ADARB1: variants seen among roughly 807,000 people sequenced by gnomAD.
The protein encoded by ADARB1 is double-stranded RNA-specific editase 1.
In ADARB1, 10 loss-of-function variants were observed where a neutral mutation model predicts 52.4. That is an observed-to-expected ratio of 0.19 (90% CI 0.12 to 0.32). ADARB1 has a LOEUF of 0.32. ADARB1 is among the 10% of genes least tolerant of loss of function. The pLI is 1.00. For missense variants in ADARB1, 643 were observed against 922.3 expected, an observed-to-expected ratio of 0.70 and a Z score of 3.92; for synonymous variants, 349 against 371.1, an observed-to-expected ratio of 0.94 and a Z score of 0.68.
intron 2 of ADARB1, among the ~76,000 whole-genome samples, chr21:45,162,940 C>T (rs1384972255): frequency 1.3e-5 from 2 of 152,218 alleles, no homozygotes; most frequent in Non-Finnish European, 2.9e-5. Flanking sequence ...ACACTTCAGA[C>T]CCAGGTCGGA....
intron 1 of ADARB1, among the ~76,000 whole-genome samples, chr21:45,099,436 G>A (rs1403436192): frequency 6.6e-6 from 1 of 152,016 alleles, no homozygotes; most frequent in Non-Finnish European, 1.5e-5. Context: ...AGGCCGAGGC[G>A]GGTGGATCAC....
intron 4 of ADARB1, among the ~76,000 whole-genome samples, chr21:45,179,584 A>C (rs2091844853): frequency 6.6e-6 from 1 of 152,244 alleles, no homozygotes; most frequent in South Asian, 2.1e-4. Context: ...GAAGCACTTT[A>C]ATACAGATGT....
At chr21:45,137,853 G>C (rs1357344878) in intron 2 of ADARB1, among the ~76,000 whole-genome samples, 1 of 152,082 alleles carries the variant, frequency 6.6e-6, no homozygotes, top group Admixed American at 6.5e-5. Context: ...AGATGGCATG[G>C]GAGGTGGGCA....
intron 2 of ADARB1, among the ~76,000 whole-genome samples, chr21:45,134,499 G>A (rs1045749436): frequency 9.9e-5 from 15 of 151,940 alleles, no homozygotes; most frequent in Middle Eastern, 6.8e-3. Flanking sequence ...GTACACTCGG[G>A]GTGTGTGTGC....
intron 2 of ADARB1, among the ~76,000 whole-genome samples, chr21:45,151,025 C>CAG (rs979632551): frequency 1.3e-5 from 2 of 151,974 alleles, no homozygotes; most frequent in Non-Finnish European, 2.9e-5. Context: ...AAGGGTCAGG[C>CAG]AGAGAGAGAG....
chr21:45,082,854 A>G (rs1483681654), intron 1 of ADARB1, among the ~76,000 whole-genome samples: 1 of 152,220 alleles, frequency 6.6e-6, no homozygotes, highest in Non-Finnish European at 1.5e-5. Context: ...GTTCTTGACC[A>G]GCAGTCGGAT....
At position 45,176,206 on chromosome 21, in the gene ADARB1, C is replaced by T; in HGVS notation, c.505C>T (p.Gln169Ter). ...TGTCAACACGGACTTCACATCTGAC[C>T]AGGCCGACTTCCCTGACACGCTCTT... ...LSVNTDFTSD[Q>*]ADFPDTLFNG... Residue 169 changes from glutamine (Q) to a stop codon, truncating the protein, a stop_gained, in exon 4 of 11, where the codon CAG becomes TAG. Coordinates refer to ENST00000348831, the MANE Select transcript of ADARB1 (RefSeq NM_001112.4). LOFTEE classifies it high-confidence loss of function. This position sits in a 1 kb window ranked among gnomAD's most constrained non-coding sequence, Gnocchi z 5.8. 1 of 1,614,182 alleles carries T rather than the reference C, an allele frequency of 6.2e-7. No homozygotes were observed. The highest frequency in any genetic ancestry group is 8.5e-7 in the Non-Finnish European group (1 of 1,180,048).
rs768679931 is a variant in ADARB1, at chr21:45,180,464, A to G, written c.1078+20A>G. The G allele has an allele frequency of 1.3e-6, 2 of 1,579,212 alleles. No individual in the cohort carries two copies. The highest frequency in any genetic ancestry group is 1.3e-5 in the African/African-American group (1 of 74,154). ...CAACAGGTAACCATCTTGGTGTTGT[A>G]TGTAACCCTGCCTGTTTTCATGTCT... is the stretch of plus-strand genomic sequence containing the variant. On this transcript the variant is annotated intron_variant, in intron 5 of 10. Coordinates refer to ENST00000348831, the MANE Select transcript of ADARB1 (RefSeq NM_001112.4).
At chr21:45,105,054 G>T (rs1161093525) in intron 1 of ADARB1, among the ~76,000 whole-genome samples, 1 of 151,602 alleles carries the variant, frequency 6.6e-6, no homozygotes, top group African/African-American at 2.4e-5. Flanking sequence ...TTTCTGTTAC[G>T]CTTAGCATGC....
intron 1 of ADARB1, among the ~76,000 whole-genome samples, chr21:45,104,627 T>G (rs2087167958): frequency 6.6e-6 from 1 of 152,240 alleles, no homozygotes; most frequent in Admixed American, 6.5e-5. Flanking sequence ...TGAGGTGGTC[T>G]GTTTTGGCTA....
At chr21:45,206,094 A>G (rs2092660287) in intron 9 of ADARB1, among the ~76,000 whole-genome samples, 1 of 152,238 alleles carries the variant, frequency 6.6e-6, no homozygotes, top group African/African-American at 2.4e-5. Flanking sequence ...TGTAGCATCA[A>G]TGTCTTTTGA....
At chr21:45,154,826 G>C (rs906108908) in intron 2 of ADARB1, among the ~76,000 whole-genome samples, 4 of 152,198 alleles carry the variant, frequency 2.6e-5, no homozygotes, top group African/African-American at 9.7e-5. Context: ...ACGAGACCTG[G>C]GAGAGGTCTG....
chr21:45,168,893 T>G (rs2091364161), intron 2 of ADARB1, among the ~76,000 whole-genome samples: 1 of 152,242 alleles, frequency 6.6e-6, no homozygotes, highest in African/African-American at 2.4e-5. Flanking sequence ...TATTGGAACC[T>G]GATTATATGA....
chr21:45,099,898 G>A (rs2086926776), intron 1 of ADARB1, among the ~76,000 whole-genome samples: 1 of 152,172 alleles, frequency 6.6e-6, no homozygotes, highest in African/African-American at 2.4e-5. Flanking sequence ...CTTGGTGGTG[G>A]TGTTGGGGTT....
intron 8 of ADARB1, among the ~76,000 whole-genome samples, chr21:45,191,880 ATTTTTTTTTTTTTTTTTTTT>A (rs777269104): frequency 2.5e-4 from 4 of 15,748 alleles, no homozygotes; most frequent in Non-Finnish European, 5.8e-4. Flanking sequence ...ATATATATAT[ATTTTTTTTTTTTTTTTTTTT>A]TTTTTTTTTT....
chr21:45,142,936 C>T lies in ADARB1; in HGVS notation c.-48+14363C>T, dbSNP rs923510981. Among the ~76,000 whole-genome samples, 2 of 152,214 alleles carry T rather than the reference C, an allele frequency of 1.3e-5. No individual in the cohort carries two copies. The highest frequency in any genetic ancestry group is 2.9e-5 in the Non-Finnish European group (2 of 68,042). ...CCAACACCATGGCCATGCTGCACAGCTGTGCAGCCTCCACCCACAAAGGCC... is the reference window on the plus strand; with the variant it reads ...CCAACACCATGGCCATGCTGCACAGTTGTGCAGCCTCCACCCACAAAGGCC... On this transcript the variant is annotated intron_variant, in intron 2 of 10. Coordinates refer to ENST00000348831, the MANE Select transcript of ADARB1 (RefSeq NM_001112.4). The surrounding 1 kb of genome is among the most constrained non-coding windows in gnomAD (Gnocchi z 4.0).
rs2091975740 is a variant in ADARB1 at position 45,182,818 on chromosome 21, A to G, written c.1247+65A>G. 24 of 1,370,424 alleles carry G rather than the reference A, an allele frequency of 1.8e-5. No individual in the cohort carries two copies. The East Asian group carries it at 5.8e-4, about 33-fold the overall frequency. The allele number at this position is 1,370,424 out of a possible 1,614,324, so 84.9% of individuals were successfully genotyped here. ...AAAAAATATTCCTCTATTAGAAAAC[A>G]TTGCAAAACCTTTCATTGTTTCTGT... On this transcript the variant is annotated intron_variant, in intron 6 of 10. Coordinates refer to ENST00000348831, the MANE Select transcript of ADARB1 (RefSeq NM_001112.4).
chr21:45,182,785 C>G, intron 6 of ADARB1, 32 bp downstream of exon 6: 1 of 1,521,938 alleles, frequency 6.6e-7, no homozygotes, highest in Non-Finnish European at 8.8e-7. Context: ...GGACAGGAAG[C>G]TCTTTTTAAA....
At chr21:45,147,649 CA>C (rs1255351683) in intron 2 of ADARB1, among the ~76,000 whole-genome samples, 1 of 152,208 alleles carries the variant, frequency 6.6e-6, no homozygotes, top group Non-Finnish European at 1.5e-5. Flanking sequence ...AGGAACAGCA[CA>C]GCTGCAGTGA....
Sources: allele counts gnomAD v4.1 joint callset (sites outside exome capture counted in the v4.1 genomes callset), GRCh38; gene constraint gnomAD v4.1.1; non-coding constraint Gnocchi (gnomAD v3.1); transcripts MANE v1.5; gene names NCBI Gene and HGNC (gene_info 2026-07-23, HGNC 2026-07-21).